SEPTIN11: variants seen among roughly 807,000 people sequenced by gnomAD.
SEPTIN11 encodes septin-11.
SEPTIN11 carries 25 observed loss-of-function variants against 51.4 expected under a neutral mutation model. The ratio of observed to expected loss-of-function variants is 0.49; its 90% CI spans 0.35 to 0.68. SEPTIN11 has a LOEUF of 0.68. Ranked by LOEUF, SEPTIN11 falls within the 30% of genes least tolerant of loss-of-function variation. The probability of loss-of-function intolerance (pLI) is 0.00; values close to 1 mark genes in which losing one functional copy is unlikely to be tolerated. For missense variants in SEPTIN11, 381 were observed against 520.8 expected (o/e 0.73, Z 2.61); for synonymous variants, 174 against 184.1 (o/e 0.95, Z 0.44).
In SEPTIN11 at chr4:76,984,629, A is replaced by G. The variant is rs918048108; in HGVS notation, c.28-11796A>G. Reference sequence around the variant, plus strand: ...CAGGACATAAAAAGTTGAGGAAAAAACTTCCAACTGCTTTGAGCCTCTTAA... The same window carrying G: ...CAGGACATAAAAAGTTGAGGAAAAAGCTTCCAACTGCTTTGAGCCTCTTAA... On this transcript the variant is annotated intron_variant, in intron 1 of 9. Coordinates refer to ENST00000264893, the MANE Select transcript of SEPTIN11 (RefSeq NM_018243.4). This position sits in a 1 kb window ranked among gnomAD's most constrained non-coding sequence, Gnocchi z 4.1. Among the ~76,000 whole-genome samples, 16 of 152,152 alleles carry G rather than the reference A, an allele frequency of 1.1e-4. No individual in the cohort carries two copies. Among genetic ancestry groups the G allele is most frequent in the South Asian group, 2.1e-4 (1 of 4,828 alleles).
chr4:77,028,528 T>C (rs1238408193), intron 7 of SEPTIN11, 101 bp from the exon 8 acceptor site: 1 of 1,290,826 alleles, frequency 7.7e-7, no homozygotes, highest in Non-Finnish European at 1.1e-6. Flanking sequence ...AAGCAGCAGC[T>C]TTATCTATGT....
intron 3 of SEPTIN11, among the ~76,000 whole-genome samples, 192 bp downstream of exon 3, chr4:77,005,988 C>T (rs1578173403): frequency 1.3e-5 from 2 of 152,106 alleles, no homozygotes; most frequent in East Asian, 3.8e-4. Context: ...CAGAATCAGA[C>T]ATCAAAATTG....
In SEPTIN11 at chr4:77,035,288, ATCT is replaced by A. The variant is rs1726952072; in HGVS notation, c.*783_*785del. On this transcript the variant is annotated 3_prime_UTR_variant, in exon 10 of 10. Transcript: ENST00000264893. ...TCATGTAACATTGCTTAGTAGAAGA[ATCT>A]TCTTCTAAGGATGATGGGCTTTCTA... 4.1e-6 allele frequency: 4 copies of A among 984,990 alleles called. No homozygotes were observed. The highest frequency in any genetic ancestry group is 3.6e-6 in the Non-Finnish European group (3 of 829,684). The allele number at this position is 984,990 out of a possible 1,614,324, so 61.0% of individuals were successfully genotyped here.
At chr4:76,997,716 A>T (rs1284010098) in intron 2 of SEPTIN11, among the ~76,000 whole-genome samples, 1 of 152,220 alleles carries the variant, frequency 6.6e-6, no homozygotes, top group Non-Finnish European at 1.5e-5. Flanking sequence ...AATGGCAGCT[A>T]GTTCTACAGA....
chr4:76,982,338 G>A (rs1722812892), intron 1 of SEPTIN11, among the ~76,000 whole-genome samples: 1 of 151,938 alleles, frequency 6.6e-6, no homozygotes. Flanking sequence ...AGCCTCCTTA[G>A]TAGCTGGGAT....
chr4:76,981,853 A>G (rs1722785343), intron 1 of SEPTIN11, among the ~76,000 whole-genome samples: 1 of 151,848 alleles, frequency 6.6e-6, no homozygotes, highest in South Asian at 2.1e-4. Context: ...GCAATTCTAT[A>G]CTCATGATCC....
intron 1 of SEPTIN11, 37 bp downstream of exon 1, chr4:76,949,967 C>T: frequency 1.4e-6 from 2 of 1,437,012 alleles, no homozygotes; most frequent in Non-Finnish European, 1.8e-6. Flanking sequence ...TCCTCGGGCG[C>T]CGGGTGGTCT....
In SEPTIN11 at chr4:76,988,624, C is replaced by T. The variant is rs555582114; in HGVS notation, c.28-7801C>T. On this transcript the variant is annotated intron_variant, in intron 1 of 9. Transcript: ENST00000264893. ...CCTGAGCTTAAGCAAGATCCTCCTG[C>T]GTCAGCCTCCCAAGTAGCTGGGATT... is the stretch of plus-strand genomic sequence containing the variant. Among the ~76,000 whole-genome samples, 293 of 152,318 alleles carry T rather than the reference C, an allele frequency of 1.9e-3. 2 individuals are homozygous for T. The highest frequency in any genetic ancestry group is 6.5e-3 in the African/African-American group (270 of 41,562).
intron 5 of SEPTIN11, among the ~76,000 whole-genome samples, chr4:77,016,631 C>CATATATATATATATATAT (rs1560736233): frequency 4.0e-4 from 9 of 22,708 alleles, no homozygotes; most frequent in East Asian, 1.7e-3. Flanking sequence ...TATATATATA[C>CATATATATATATATATAT]ACATATATAT....
rs1578201155 is a variant in SEPTIN11, at chr4:77,024,916, G to A, written c.954-3713G>A. On this transcript the variant is annotated intron_variant, in intron 7 of 9. Transcript: ENST00000264893. This position sits in a 1 kb window ranked among gnomAD's most constrained non-coding sequence, Gnocchi z 4.2. ...GATTAAATGAATTCACATGTGTATT[G>A]CTCCACTCCACAAAAGCTGGTGGAG... Among the ~76,000 whole-genome samples the A allele has an allele frequency of 6.6e-6, 1 of 152,098 alleles. No individual in the cohort carries two copies. Among genetic ancestry groups the A allele is most frequent in the Non-Finnish European group, 1.5e-5 (1 of 68,018 alleles).
At chr4:76,958,705 C>T (rs185198204) in intron 1 of SEPTIN11, among the ~76,000 whole-genome samples, 52 of 152,104 alleles carry the variant, frequency 3.4e-4, no homozygotes, top group Admixed American at 1.4e-3. Context: ...TTGTAAGACG[C>T]GGTTTTTGTT....
intron 6 of SEPTIN11, among the ~76,000 whole-genome samples, chr4:77,019,755 C>T (rs1034825775): frequency 3.9e-5 from 6 of 152,172 alleles, no homozygotes; most frequent in South Asian, 2.1e-4. Context: ...AAGCTTGTCA[C>T]GTGTGTCACT....
At chr4:76,988,576 C>T (rs1003309881) in intron 1 of SEPTIN11, among the ~76,000 whole-genome samples, 5 of 152,180 alleles carry the variant, frequency 3.3e-5, no homozygotes, top group Non-Finnish European at 2.9e-5. Flanking sequence ...TGGCACAATC[C>T]TGGCTCATTG....
intron 1 of SEPTIN11, among the ~76,000 whole-genome samples, chr4:76,965,581 A>G (rs1722005496): frequency 6.6e-6 from 1 of 151,086 alleles, no homozygotes; most frequent in Admixed American, 6.6e-5. Flanking sequence ...TATTATAGGA[A>G]ATACTTATTT....
chr4:76,997,818 G>A (rs1215989796), intron 2 of SEPTIN11, among the ~76,000 whole-genome samples: 1 of 152,200 alleles, frequency 6.6e-6, no homozygotes, highest in East Asian at 1.9e-4. Context: ...TTGGCAATTT[G>A]TTGGGTTTCT....
intron 1 of SEPTIN11, among the ~76,000 whole-genome samples, chr4:76,965,235 G>A (rs1299763238): frequency 6.6e-6 from 1 of 152,184 alleles, no homozygotes; most frequent in East Asian, 1.9e-4. Context: ...CGGATCACCT[G>A]AGGTCAGGAG....
At chr4:76,975,193 GTTACTC>G (rs1249324689) in intron 1 of SEPTIN11, among the ~76,000 whole-genome samples, 2 of 151,582 alleles carry the variant, frequency 1.3e-5, no homozygotes, top group Admixed American at 1.3e-4. Context: ...CACAGCTTGA[GTTACTC>G]TTGGTGCCTC....
intron 1 of SEPTIN11, among the ~76,000 whole-genome samples, chr4:76,973,721 T>TA (rs1339644742): frequency 6.6e-6 from 1 of 152,190 alleles, no homozygotes; most frequent in African/African-American, 2.4e-5. Context: ...CAGGCTCTGT[T>TA]ACTTACTTGC....
intron 2 of SEPTIN11, among the ~76,000 whole-genome samples, chr4:77,001,919 G>A (rs1724147457): frequency 6.6e-6 from 1 of 152,154 alleles, no homozygotes; most frequent in South Asian, 2.1e-4. Flanking sequence ...CAGGAGAATT[G>A]CTTGAGCCCA....
Sources: gnomAD v4.1 joint callset for allele counts (sites outside exome capture counted in the v4.1 genomes callset) on GRCh38, gnomAD v4.1.1 for gene constraint, Gnocchi (gnomAD v3.1) non-coding constraint, MANE v1.5 for transcripts, NCBI Gene and HGNC (gene_info 2026-07-23, HGNC 2026-07-21) for gene names.